The following EPC1 variants were observed in gnomAD, a reference collection of about 807,000 sequenced individuals.
EPC1 encodes enhancer of polycomb homolog 1.
EPC1 carries 12 observed loss-of-function variants against 98.4 expected under a neutral mutation model. That is an observed-to-expected ratio of 0.12 (90% confidence interval 0.08 to 0.20). The LOEUF (loss-of-function observed/expected upper bound fraction) is 0.20. EPC1 is among the 10% of genes least tolerant of loss of function. The pLI is 1.00. For missense variants in EPC1, 729 were observed against 990.5 expected (o/e 0.74, Z 3.54); for synonymous variants, 357 against 363.9 (o/e 0.98, Z 0.21).
chr10:32,335,575 CTTCT>C (rs1837907515), intron 1 of EPC1, among the ~76,000 whole-genome samples: 2 of 152,206 alleles, frequency 1.3e-5, no homozygotes, highest in Non-Finnish European at 1.5e-5. Flanking sequence ...TATCCCATTT[CTTCT>C]TTGTTGTCCC....
intron 10 of EPC1, among the ~76,000 whole-genome samples, chr10:32,280,359 T>C (rs1836342103): frequency 6.6e-6 from 1 of 151,150 alleles, no homozygotes. Context: ...GGCTGAGGCA[T>C]GAGAATCACT....
intron 2 of EPC1, among the ~76,000 whole-genome samples, chr10:32,298,826 T>C (rs1461583825): frequency 1.3e-5 from 2 of 152,172 alleles, no homozygotes; most frequent in Non-Finnish European, 2.9e-5. Flanking sequence ...CAGCAGAATA[T>C]GCTGCAGGGG....
chr10:32,298,934 A>T (rs1257935284), intron 2 of EPC1, among the ~76,000 whole-genome samples: 1 of 152,196 alleles, frequency 6.6e-6, no homozygotes, highest in Non-Finnish European at 1.5e-5. Flanking sequence ...TGTAGGTTCT[A>T]CTTTAGGAAA....
chr10:32,378,673 C>A (rs953645060), exon 1 of EPC1: 6 of 469,638 alleles, frequency 1.3e-5, no homozygotes, highest in Non-Finnish European at 2.3e-5. Flanking sequence ...GGGGTGGCTT[C>A]CCCCAGGATC....
chr10:32,323,138 T>A (rs983832022), intron 1 of EPC1, among the ~76,000 whole-genome samples: 2 of 152,180 alleles, frequency 1.3e-5, no homozygotes, highest in East Asian at 3.8e-4. Context: ...ATAATTTTTT[T>A]AAAAAGAGAA....
chr10:32,300,393 C>A (rs556389837), intron 2 of EPC1, among the ~76,000 whole-genome samples: 1 of 150,968 alleles, frequency 6.6e-6, no homozygotes, highest in Non-Finnish European at 1.5e-5. Flanking sequence ...TTCCCTCCCG[C>A]CCCCGCTCCT....
At chr10:32,270,130 G>A (rs1213401395) in intron 13 of EPC1, among the ~76,000 whole-genome samples, 2 of 152,044 alleles carry the variant, frequency 1.3e-5, no homozygotes, top group South Asian at 2.1e-4. Flanking sequence ...CTCTTTGCCC[G>A]AAGACTAACA....
intron 10 of EPC1, among the ~76,000 whole-genome samples, chr10:32,277,967 C>T (rs961434866): frequency 1.3e-5 from 2 of 152,170 alleles, no homozygotes; most frequent in African/African-American, 4.8e-5. Context: ...CTGTGCACTG[C>T]ACTCTTATAG....
At chr10:32,293,276 TAATC>T in intron 3 of EPC1, 82 bp from the exon 4 acceptor site, 2 of 1,064,440 alleles carry the variant, frequency 1.9e-6, no homozygotes, top group South Asian at 3.2e-5. Context: ...TAAAGGACAA[TAATC>T]AATATTACAA....
chr10:32,292,074 A>C (rs1834880787), intron 5 of EPC1: 1 of 152,274 alleles, frequency 6.6e-6, no homozygotes, highest in African/African-American at 2.4e-5. Context: ...ATAGGGCAGA[A>C]GTTTTCTTTA....
intron 1 of EPC1, among the ~76,000 whole-genome samples, chr10:32,338,757 C>A (rs1262323852): frequency 6.6e-6 from 1 of 152,002 alleles, no homozygotes; most frequent in East Asian, 1.9e-4. Context: ...CTCCTTCTAA[C>A]TAAAATTCTG....
At chr10:32,355,343 G>A (rs780193878) in intron 1 of EPC1, among the ~76,000 whole-genome samples, 21 of 152,118 alleles carry the variant, frequency 1.4e-4, no homozygotes, top group African/African-American at 2.7e-4. Flanking sequence ...GGAACTATTC[G>A]GTAGTCTCTT....
At chr10:32,320,578 T>A (rs1381143958) in intron 1 of EPC1, among the ~76,000 whole-genome samples, 2 of 152,186 alleles carry the variant, frequency 1.3e-5, no homozygotes, top group African/African-American at 4.8e-5. Context: ...GAATTCAACA[T>A]TTCTTAATTA....
At chr10:32,280,605 G>T (rs1421335448) in intron 10 of EPC1, among the ~76,000 whole-genome samples, 2 of 152,140 alleles carry the variant, frequency 1.3e-5, no homozygotes, top group African/African-American at 4.8e-5. Context: ...CAGGCATGGT[G>T]GCGGGTGCCT....
At chr10:32,302,337 C>T (rs1319819409) in intron 2 of EPC1, among the ~76,000 whole-genome samples, 1 of 151,630 alleles carries the variant, frequency 6.6e-6, no homozygotes, top group African/African-American at 2.4e-5. Flanking sequence ...AACATTAAGA[C>T]ACCCATCCCA....
At chr10:32,351,298 C>G (rs368793899), upstream of EPC1, among the ~76,000 whole-genome samples, 2 of 152,170 alleles carry the variant, frequency 1.3e-5, no homozygotes, top group South Asian at 4.1e-4. Flanking sequence ...TGTCCAACAT[C>G]GTTTGTCATT....
In EPC1 at chr10:32,270,821, CAAAAAAAAAAAAA is replaced by C. The variant is rs55931034; in HGVS notation, c.2369+720_2369+732del. On this transcript the variant is annotated intron_variant, in intron 13 of 13. Transcript: ENST00000319778. ...TGGGCAACAGAGCGAGACTCGGTCT[CAAAAAAAAAAAAA>C]AAAAAAAAAAAAAAAGAATAGCTTA... Among the ~76,000 whole-genome samples, 23 of 57,990 alleles carry C rather than the reference CAAAAAAAAAAAAA, an allele frequency of 4.0e-4. No homozygotes were observed. In the South Asian group the frequency reaches 0.012, roughly 31 times the overall value. 38.0% of individuals were successfully genotyped at this position (57,990 alleles called of 152,430 possible).
chr10:32,355,973 A>C (rs1839264521), intron 1 of EPC1, among the ~76,000 whole-genome samples: 1 of 152,188 alleles, frequency 6.6e-6, no homozygotes, highest in Non-Finnish European at 1.5e-5. Flanking sequence ...TAATGCACAT[A>C]CAAATCAGTA....
rs544568661 is a variant in EPC1, at chr10:32,316,604, A to G, written c.154-10673T>C. Among the ~76,000 whole-genome samples, 3 of 152,374 alleles carry G rather than the reference A, an allele frequency of 2.0e-5. No homozygotes were observed. In the East Asian group the frequency reaches 5.8e-4, roughly 29 times the overall value. ...AATGAAGTTCTCAACTGGCAAAAAT[A>G]ATCTATGACAGAAAAAAATATCATA... On this transcript the variant is annotated intron_variant, in intron 1 of 13. Coordinates refer to ENST00000319778, the MANE Select transcript of EPC1 (RefSeq NM_001272004.3).
Sources: gnomAD v4.1 joint callset for allele counts (sites outside exome capture counted in the v4.1 genomes callset) on GRCh38, gnomAD v4.1.1 for gene constraint, MANE v1.5 for transcripts, NCBI Gene and HGNC (gene_info 2026-07-23, HGNC 2026-07-21) for gene names.